The following LNX1 variants were observed in gnomAD, a reference collection of about 807,000 sequenced individuals.
LNX1 encodes ligand of numb-protein X 1.
A neutral mutation model predicts 68.4 loss-of-function variants in LNX1; 54 were observed. The ratio of observed to expected loss-of-function variants is 0.79; its 90% CI spans 0.63 to 0.99. LNX1 has a LOEUF of 0.99. Ranked by LOEUF, LNX1 falls within the 50% of genes least tolerant of loss-of-function variation. The pLI, the probability that LNX1 is intolerant of heterozygous loss-of-function variation, is 0.00. For missense variants in LNX1, 906 were observed against 926.4 expected, an observed-to-expected ratio of 0.98 and a Z score of 0.29; for synonymous variants, 336 against 350.0, an observed-to-expected ratio of 0.96 and a Z score of 0.45.
intron 1 of LNX1, among the ~76,000 whole-genome samples, chr4:53,581,080 C>T (rs62323659): frequency 1.5e-3 from 223 of 152,164 alleles, no homozygotes; most frequent in Non-Finnish European, 2.7e-3. Context: ...CCAGGTGCTC[C>T]GTGTCCCCAC....
chr4:53,574,856 T>C (rs1240511777), intron 1 of LNX1, among the ~76,000 whole-genome samples: 2 of 152,254 alleles, frequency 1.3e-5, no homozygotes, highest in Admixed American at 6.5e-5. Flanking sequence ...AATTCTTACA[T>C]GTATTTGTTA....
At chr4:53,551,606 C>A (rs1447577654) in intron 2 of LNX1, among the ~76,000 whole-genome samples, 1 of 152,136 alleles carries the variant, frequency 6.6e-6, no homozygotes, top group East Asian at 1.9e-4. Context: ...ACTGTGGATG[C>A]GGACAGCCCA....
At position 53,501,299 on chromosome 4, in the gene LNX1, T is replaced by TTGGGGGGGGG. The variant is rs56165716; in HGVS notation, c.776-2457_776-2456insCCCCCCCCCA. Among the ~76,000 whole-genome samples the TTGGGGGGGGG allele has an allele frequency of 1.1e-3, 43 of 38,780 alleles. 2 individuals carry two copies. The highest frequency in any genetic ancestry group is 2.4e-3 in the Admixed American group (6 of 2,494). 25.4% of individuals were successfully genotyped at this position (38,780 alleles called of 152,430 possible). ...TAATAATCTTTTTTTTTTTTTTTTT[T>TTGGGGGGGGG]GGGGGTGGGGGGACAGGATCTCACT... On this transcript the variant is annotated intron_variant, in intron 4 of 10. Coordinates refer to ENST00000263925, the MANE Select transcript of LNX1 (RefSeq NM_001126328.3).
At chr4:53,609,942 C>G (rs1733413385) in intron 2 of LNX1, among the ~76,000 whole-genome samples, 1 of 151,076 alleles carries the variant, frequency 6.6e-6, no homozygotes, top group African/African-American at 2.4e-5. Context: ...TGCTCACAAC[C>G]ATGTGAGTTA....
chr4:53,621,508 T>C (rs2109860362), upstream of LNX1, among the ~76,000 whole-genome samples: 1 of 152,272 alleles, frequency 6.6e-6, no homozygotes, highest in Admixed American at 6.5e-5. Context: ...AAACAATGGA[T>C]GGATGAATGA....
intron 2 of LNX1, among the ~76,000 whole-genome samples, chr4:53,611,792 C>G (rs1733507425): frequency 6.6e-6 from 1 of 151,990 alleles, no homozygotes; most frequent in African/African-American, 2.4e-5. Flanking sequence ...AAAGCTCTTA[C>G]CAAGAAATCT....
chr4:53,647,577 G>C (rs34238618), intron 1 of LNX1, among the ~76,000 whole-genome samples: 5 of 152,122 alleles, frequency 3.3e-5, no homozygotes, highest in African/African-American at 1.2e-4. Flanking sequence ...AGAAAAAAAA[G>C]CCAGGATTCA....
chr4:53,604,826 C>A (rs1436625400), intron 2 of LNX1, among the ~76,000 whole-genome samples: 1 of 152,102 alleles, frequency 6.6e-6, no homozygotes, highest in East Asian at 1.9e-4. Context: ...AGGTCACAGG[C>A]CACCTTTCTC....
chr4:53,478,140 G>A (rs1229714573), intron 8 of LNX1, among the ~76,000 whole-genome samples: 1 of 152,068 alleles, frequency 6.6e-6, no homozygotes, highest in African/African-American at 2.4e-5. Context: ...TTCACTTAAT[G>A]AGTATTCATT....
intron 2 of LNX1, among the ~76,000 whole-genome samples, chr4:53,613,012 C>T (rs1279806227): frequency 3.3e-5 from 5 of 150,738 alleles, no homozygotes; most frequent in Non-Finnish European, 3.0e-5. Flanking sequence ...AAAACAAAAG[C>T]CCCTGTGTGT....
chr4:53,506,430 T>C (rs762619354), intron 4 of LNX1, among the ~76,000 whole-genome samples: 1 of 151,304 alleles, frequency 6.6e-6, no homozygotes, highest in African/African-American at 2.4e-5. Context: ...GGAAAACATA[T>C]GGGATCTAAG....
chr4:53,563,559 G>C (rs575180196), intron 2 of LNX1, among the ~76,000 whole-genome samples: 1 of 147,930 alleles, frequency 6.8e-6, no homozygotes, highest in South Asian at 2.1e-4. Context: ...TTTTGAGACA[G>C]AGTCTCGCTC....
chr4:53,568,754 T>C (rs2109763923), intron 2 of LNX1, among the ~76,000 whole-genome samples: 1 of 152,142 alleles, frequency 6.6e-6, no homozygotes, highest in East Asian at 1.9e-4. Flanking sequence ...ATTGTATATC[T>C]AGAAAACCCC....
Position 53,459,795 on chromosome 4 carries a change from T to TCAAA in LNX1, c.*1108_*1111dup, listed in dbSNP as rs1165866513. The stretch of plus-strand genomic sequence containing the variant: ...ACTTGGGCCACAGTTTTTTTGTTAA[T>TCAAA]CAAACACCACTCTCTTAAGAGGCTG... On this transcript the variant is annotated 3_prime_UTR_variant, in exon 11 of 11. Transcript: ENST00000263925. The TCAAA allele has an allele frequency of 8.5e-5, 27 of 317,222 alleles. No homozygotes were observed. Among genetic ancestry groups the TCAAA allele is most frequent in the Middle Eastern group, 9.6e-4 (1 of 1,042 alleles). 19.7% of individuals were successfully genotyped at this position (317,222 alleles called of 1,614,324 possible). A position where few individuals can be genotyped will look rare whatever the true frequency, so the allele number is the denominator to read the frequency against.
intron 2 of LNX1, among the ~76,000 whole-genome samples, chr4:53,556,084 G>A (rs2109720661): frequency 6.6e-6 from 1 of 152,284 alleles, no homozygotes; most frequent in Non-Finnish European, 1.5e-5. Flanking sequence ...TCTTGTAGAT[G>A]CAATTAAGGA....
intron 2 of LNX1, among the ~76,000 whole-genome samples, chr4:53,553,329 G>C (rs976014501): frequency 2.0e-5 from 3 of 152,124 alleles, no homozygotes; most frequent in African/African-American, 7.2e-5. Flanking sequence ...AAATGGGGTG[G>C]CCTCATGAGA....
intron 1 of LNX1, among the ~76,000 whole-genome samples, chr4:53,625,522 T>G (rs1322708234): frequency 6.6e-6 from 1 of 152,022 alleles, no homozygotes; most frequent in Non-Finnish European, 1.5e-5. Context: ...TGAGGCTAGG[T>G]GTGGTGGCTC....
intron 9 of LNX1, among the ~76,000 whole-genome samples, chr4:53,462,930 C>CT (rs1353962236): frequency 1.3e-5 from 2 of 152,132 alleles, no homozygotes; most frequent in Non-Finnish European, 2.9e-5. Flanking sequence ...TAACGGTTCA[C>CT]TGACTCCTCA....
At chr4:53,495,548 C>CATTTTTTTTTTT (rs1724988223) in intron 6 of LNX1, among the ~76,000 whole-genome samples, 1 of 119,414 alleles carries the variant, frequency 8.4e-6, no homozygotes, top group Non-Finnish European at 1.8e-5. Flanking sequence ...CATGGCATAG[C>CATTTTTTTTTTT]TTTTTTTTTT....
Sources: gnomAD v4.1 joint callset for allele counts (sites outside exome capture counted in the v4.1 genomes callset) on GRCh38, gnomAD v4.1.1 for gene constraint, MANE v1.5 for transcripts, NCBI Gene and HGNC (gene_info 2026-07-23, HGNC 2026-07-21) for gene names.